Variants in MAPRE2 observed in about 807,000 individuals in gnomAD.
MAPRE2 encodes the protein microtubule-associated protein RP/EB family member 2.
A neutral mutation model predicts 43.2 loss-of-function variants in MAPRE2; 13 were observed. The observed-to-expected ratio is 0.30, with a 90% CI of 0.20 to 0.48. The LOEUF is 0.48. MAPRE2 is among the 20% of genes least tolerant of loss of function. MAPRE2 has a pLI of 0.99. For missense variants in MAPRE2, 161 were observed against 400.2 expected, an observed-to-expected ratio of 0.40 and a Z score of 5.10; for synonymous variants, 135 against 148.8, an observed-to-expected ratio of 0.91 and a Z score of 0.68.
Position 35,134,746 on chromosome 18 carries a change from T to C in MAPRE2, c.909+2556T>C, listed in dbSNP as rs539790303. 6.6e-5 allele frequency among the ~76,000 whole-genome samples: 10 copies of C among 152,372 alleles called. No homozygotes were observed. The South Asian group carries it at 1.9e-3, about 28-fold the overall frequency. ...ACTCCCCTTACCTCGTTTTGTTGAT[T>C]TTCACCTTCGAAAGCCTAGTTGTGG... On this transcript the variant is annotated intron_variant, in intron 6 of 6. Coordinates refer to ENST00000300249, the MANE Select transcript of MAPRE2 (RefSeq NM_014268.4).
intron 6 of MAPRE2, among the ~76,000 whole-genome samples, chr18:35,132,675 C>A (rs1208281713): frequency 6.6e-6 from 1 of 152,186 alleles, no homozygotes; most frequent in Non-Finnish European, 1.5e-5. Context: ...CAGCCACATG[C>A]CCATCTCCTT....
chr18:35,057,146 C>G (rs1568987107), intron 1 of MAPRE2, among the ~76,000 whole-genome samples: 1 of 152,190 alleles, frequency 6.6e-6, no homozygotes, highest in Non-Finnish European at 1.5e-5. Context: ...TCCCAAGTAA[C>G]TGGGATTACA....
intron 2 of MAPRE2, among the ~76,000 whole-genome samples, chr18:35,083,688 T>C (rs1458706412): frequency 6.6e-6 from 1 of 152,154 alleles, no homozygotes; most frequent in Non-Finnish European, 1.5e-5. Flanking sequence ...ATGAGCACAT[T>C]ATCCTACAAG....
rs148109098 is a variant in MAPRE2, at chr18:35,043,008, A to G, written c.122+1347A>G. ...CTTGGAGTTAATTTTGGCTGTGCCC[A>G]TGAGGTCACCAAAATCTCATGCCTT... On this transcript the variant is annotated intron_variant, in intron 1 of 6. Coordinates refer to ENST00000300249, the MANE Select transcript of MAPRE2 (RefSeq NM_014268.4). Among the ~76,000 whole-genome samples, 512 of 152,158 alleles carry G rather than the reference A, an allele frequency of 3.4e-3. 3 individuals carry two copies. Among genetic ancestry groups the G allele is most frequent in the African/African-American group, 0.012 (487 of 41,512 alleles).
chr18:35,044,653 A>G (rs1034535398), intron 1 of MAPRE2, among the ~76,000 whole-genome samples: 3 of 152,236 alleles, frequency 2.0e-5, no homozygotes, highest in Admixed American at 6.5e-5. Context: ...GCTATGTAAC[A>G]TAAGAATACT....
intron 2 of MAPRE2, among the ~76,000 whole-genome samples, chr18:35,082,434 C>T (rs904259284): frequency 1.3e-5 from 2 of 152,100 alleles, no homozygotes; most frequent in African/African-American, 4.8e-5. Context: ...CATTTAAAGC[C>T]TTGAGCAATC....
At chr18:35,027,583 C>G (rs938694918) in intron 2 of MAPRE2, among the ~76,000 whole-genome samples, 1 of 152,084 alleles carries the variant, frequency 6.6e-6, no homozygotes, top group Non-Finnish European at 1.5e-5. Flanking sequence ...AACCACCTAG[C>G]CAAGCCCAGT....
upstream of MAPRE2, among the ~76,000 whole-genome samples, chr18:35,037,326 T>C (rs2032429592): frequency 6.6e-6 from 1 of 152,204 alleles, no homozygotes; most frequent in South Asian, 2.1e-4. Context: ...TTAAATACAT[T>C]ATATAATTTA....
At chr18:35,114,542 G>T (rs1222158066) in intron 4 of MAPRE2, among the ~76,000 whole-genome samples, 1 of 152,028 alleles carries the variant, frequency 6.6e-6, no homozygotes, top group Non-Finnish European at 1.5e-5. Context: ...AGAATATTGA[G>T]CCCTAGATTA....
chr18:35,057,874 G>T (rs2150611218), intron 1 of MAPRE2, among the ~76,000 whole-genome samples: 1 of 152,308 alleles, frequency 6.6e-6, no homozygotes, highest in African/African-American at 2.4e-5. Context: ...AGTTTTGATA[G>T]TATTTCCCCA....
intron 1 of MAPRE2, among the ~76,000 whole-genome samples, chr18:34,999,373 C>A (rs1379368924): frequency 6.6e-6 from 1 of 152,088 alleles, no homozygotes; most frequent in East Asian, 1.9e-4. Flanking sequence ...GTACATTGAG[C>A]ACTATAAATA....
At chr18:35,115,686 G>A (rs1423458683) in intron 4 of MAPRE2, among the ~76,000 whole-genome samples, 1 of 152,088 alleles carries the variant, frequency 6.6e-6, no homozygotes, top group African/African-American at 2.4e-5. Context: ...CCAAGTTGCT[G>A]CAAAATATAT....
chr18:35,080,357 C>CGAT (rs962514196), intron 2 of MAPRE2, among the ~76,000 whole-genome samples: 2 of 152,180 alleles, frequency 1.3e-5, no homozygotes, highest in African/African-American at 4.8e-5. Flanking sequence ...CAGTTAGGAC[C>CGAT]TATCCCTTTA....
intron 1 of MAPRE2, chr18:35,005,434 A>G: frequency 9.2e-7 from 1 of 1,091,848 alleles, no homozygotes. Context: ...CTTTGCTTCC[A>G]TATTTTCATC....
intron 4 of MAPRE2, among the ~76,000 whole-genome samples, chr18:35,113,254 A>T (rs995506787): frequency 6.6e-6 from 1 of 152,214 alleles, no homozygotes; most frequent in Non-Finnish European, 1.5e-5. Flanking sequence ...AAGAGCAGAA[A>T]ATTATGAAGA....
chr18:35,034,019 A>T (rs2097049182), intron 2 of MAPRE2, among the ~76,000 whole-genome samples: 1 of 151,906 alleles, frequency 6.6e-6, no homozygotes, highest in African/African-American at 2.4e-5. Context: ...ACTACTTTAA[A>T]GTTCATATGG....
intron 1 of MAPRE2, among the ~76,000 whole-genome samples, chr18:35,057,456 G>A (rs527675330): frequency 6.6e-6 from 1 of 152,054 alleles, no homozygotes; most frequent in Admixed American, 6.6e-5. Flanking sequence ...CGTTTGACCT[G>A]TGACAAGGTA....
At chr18:35,017,108 T>C (rs1319277726) in intron 2 of MAPRE2, among the ~76,000 whole-genome samples, 1 of 152,038 alleles carries the variant, frequency 6.6e-6, no homozygotes, top group African/African-American at 2.4e-5. Flanking sequence ...ATCAGGTGGC[T>C]GTGTCCCTTT....
chr18:35,051,741 AT>A (rs991405727), intron 1 of MAPRE2, among the ~76,000 whole-genome samples: 1 of 152,054 alleles, frequency 6.6e-6, no homozygotes, highest in Non-Finnish European at 1.5e-5. Flanking sequence ...CTAGGGCAAC[AT>A]TTTTTTAGCC....
Sources: allele counts gnomAD v4.1 joint callset (sites outside exome capture counted in the v4.1 genomes callset), GRCh38; gene constraint gnomAD v4.1.1; transcripts MANE v1.5; gene names NCBI Gene and HGNC (gene_info 2026-07-23, HGNC 2026-07-21).